Variants in ARHGEF26 observed in about 807,000 individuals in gnomAD.
The protein encoded by ARHGEF26 is Rho guanine nucleotide exchange factor (GEF) 26.
ARHGEF26 carries 59 observed loss-of-function variants against 89.4 expected under a neutral mutation model. The ratio of observed to expected loss-of-function variants is 0.66; its 90% confidence interval spans 0.54 to 0.82. The LOEUF (loss-of-function observed/expected upper bound fraction) is 0.82, where lower values mean the gene tolerates loss of function less well. Among genes scored for constraint, ARHGEF26 ranks in the 40% least tolerant of loss-of-function variants. ARHGEF26 has a pLI of 0.00. For missense variants in ARHGEF26, 1,234 were observed against 1,085.6 expected, an observed-to-expected ratio of 1.14 and a Z score of -1.92; for synonymous variants, 500 against 428.4, an observed-to-expected ratio of 1.17 and a Z score of -2.06.
chr3:154,237,558 A>ACACACACG (rs1374966577), intron 11 of ARHGEF26, among the ~76,000 whole-genome samples: 1 of 151,758 alleles, frequency 6.6e-6, no homozygotes, highest in African/African-American at 2.4e-5. Context: ...ACACACACAC[A>ACACACACG]CACACACACA....
At chr3:154,125,732 C>T (rs1718290429) in intron 3 of ARHGEF26, among the ~76,000 whole-genome samples, 1 of 152,108 alleles carries the variant, frequency 6.6e-6, no homozygotes, top group African/African-American at 2.4e-5. Flanking sequence ...TTATAAGGAG[C>T]TGTTTCTGTG....
chr3:154,250,820 C>T (rs768529281), intron 12 of ARHGEF26, among the ~76,000 whole-genome samples: 4 of 152,208 alleles, frequency 2.6e-5, no homozygotes, highest in Non-Finnish European at 2.9e-5. Flanking sequence ...GCAAATTCCA[C>T]TTGAGCCTGT....
intron 1 of ARHGEF26, among the ~76,000 whole-genome samples, 167 bp from the exon 2 acceptor site, chr3:154,121,775 G>T (rs968424319): frequency 2.0e-5 from 3 of 152,232 alleles, no homozygotes; most frequent in African/African-American, 7.2e-5. Context: ...TTTCTGCCGG[G>T]AACCGCGCAC....
intron 5 of ARHGEF26, among the ~76,000 whole-genome samples, chr3:154,149,807 T>A (rs1719909940): frequency 6.6e-6 from 1 of 152,050 alleles, no homozygotes; most frequent in Non-Finnish European, 1.5e-5. Flanking sequence ...AAATGTAGCC[T>A]ATTTATGTAA....
At chr3:154,205,610 C>A (rs1427716955) in intron 9 of ARHGEF26, among the ~76,000 whole-genome samples, 2 of 151,936 alleles carry the variant, frequency 1.3e-5, no homozygotes, top group Non-Finnish European at 2.9e-5. Context: ...TTTTGTCTTC[C>A]TCTAGTGAAG....
chr3:154,159,726 G>T (rs984008748), intron 6 of ARHGEF26, among the ~76,000 whole-genome samples: 34 of 151,888 alleles, frequency 2.2e-4, no homozygotes, highest in African/African-American at 7.7e-4. Flanking sequence ...GTTTCTATTT[G>T]GTAATTAAAA....
chr3:154,174,074 T>G (rs1433492802), intron 6 of ARHGEF26, among the ~76,000 whole-genome samples: 2 of 152,164 alleles, frequency 1.3e-5, no homozygotes, highest in Non-Finnish European at 2.9e-5. Context: ...ACTCCAGAGC[T>G]CTCTCTACAG....
intron 9 of ARHGEF26, among the ~76,000 whole-genome samples, chr3:154,201,672 C>T (rs1714650471): frequency 6.6e-6 from 1 of 150,660 alleles, no homozygotes; most frequent in African/African-American, 2.4e-5. Flanking sequence ...CCTGTTGTTT[C>T]CTGACTTTTT....
At chr3:154,155,852 G>A (rs1338649500) in intron 6 of ARHGEF26, among the ~76,000 whole-genome samples, 1 of 151,724 alleles carries the variant, frequency 6.6e-6, no homozygotes, top group Non-Finnish European at 1.5e-5. Context: ...ATAGAAATAT[G>A]GTTTTAGTTT....
chr3:154,174,341 A>G (rs1230230128), intron 6 of ARHGEF26, among the ~76,000 whole-genome samples: 5 of 152,210 alleles, frequency 3.3e-5, no homozygotes, highest in Non-Finnish European at 7.3e-5. Flanking sequence ...TTTAAAATAC[A>G]TGTGTAGGGC....
chr3:154,210,489 A>C (rs1028902246), intron 9 of ARHGEF26, among the ~76,000 whole-genome samples: 2 of 151,574 alleles, frequency 1.3e-5, no homozygotes, highest in African/African-American at 4.8e-5. Context: ...AATTTTTTGT[A>C]TTTTTAGTAG....
intron 1 of ARHGEF26, 46 bp from the exon 2 acceptor site, chr3:154,121,896 C>T: frequency 1.4e-6 from 2 of 1,469,606 alleles, no homozygotes; most frequent in Non-Finnish European, 9.0e-7. Context: ...GGCCAGGCGT[C>T]CCCGGTTGTC....
In ARHGEF26 at chr3:154,223,663, A is replaced by G. The variant is rs115910035; in HGVS notation, c.1936-2193A>G. Among the ~76,000 whole-genome samples, 1,210 of 152,278 alleles carry G rather than the reference A, an allele frequency of 7.9e-3. 10 individuals carry two copies. Among genetic ancestry groups the G allele is most frequent in the African/African-American group, 0.028 (1,147 of 41,558 alleles). On this transcript the variant is annotated intron_variant, in intron 10 of 14. Transcript: ENST00000465093. ...ACAAATCCATAGAGTTAGAAAGTAG[A>G]TTAGTGGTTGCCAGATGCTTGGGGG... is the stretch of plus-strand genomic sequence containing the variant.
At chr3:154,163,573 C>T (rs559367848) in intron 6 of ARHGEF26, among the ~76,000 whole-genome samples, 1 of 152,218 alleles carries the variant, frequency 6.6e-6, no homozygotes, top group African/African-American at 2.4e-5. Context: ...TGAACTTGCT[C>T]CTGTTGGTGT....
chr3:154,230,736 G>GCCTGGT (rs2108268122), intron 11 of ARHGEF26, among the ~76,000 whole-genome samples: 1 of 152,132 alleles, frequency 6.6e-6, no homozygotes, highest in Admixed American at 6.5e-5. Flanking sequence ...TAAATACTGT[G>GCCTGGT]TATAGCTTGA....
chr3:154,140,945 A>G (rs570243128), intron 4 of ARHGEF26, among the ~76,000 whole-genome samples: 21 of 147,056 alleles, frequency 1.4e-4, no homozygotes, highest in African/African-American at 5.2e-4. Context: ...CCTTCCCTCA[A>G]GTCACTCTTT....
intron 9 of ARHGEF26, among the ~76,000 whole-genome samples, chr3:154,212,332 A>T (rs1715424902): frequency 1.0e-5 from 1 of 96,222 alleles, no homozygotes; most frequent in African/African-American, 4.3e-5. Flanking sequence ...ACAGAGCAAG[A>T]CCCTGTCTCA....
At chr3:154,177,552 A>G (rs932801447) in intron 6 of ARHGEF26, among the ~76,000 whole-genome samples, 2 of 152,104 alleles carry the variant, frequency 1.3e-5, no homozygotes, top group Non-Finnish European at 2.9e-5. Flanking sequence ...CACTGACCCT[A>G]CAAATACAAA....
intron 1 of ARHGEF26, 52 bp from the exon 2 acceptor site, chr3:154,121,890 A>C (rs1191790095): frequency 1.4e-6 from 2 of 1,451,602 alleles, no homozygotes; most frequent in Non-Finnish European, 1.8e-6. Flanking sequence ...CGAGTCGGCC[A>C]GGCGTCCCCG....
Sources: gnomAD v4.1 joint callset for allele counts (sites outside exome capture counted in the v4.1 genomes callset) on GRCh38, gnomAD v4.1.1 for gene constraint, MANE v1.5 for transcripts, NCBI Gene and HGNC (gene_info 2026-07-23, HGNC 2026-07-21) for gene names.